The following INPP4A variants were observed in gnomAD, a reference collection of about 807,000 sequenced individuals.
INPP4A encodes the protein inositol polyphosphate-4-phosphatase, type I, 107kD.
A neutral mutation model predicts 119.8 loss-of-function variants in INPP4A; 33 were observed. The observed-to-expected ratio is 0.28, with a 90% CI of 0.21 to 0.37. The LOEUF (loss-of-function observed/expected upper bound fraction) is 0.37, where lower values mean the gene tolerates loss of function less well. INPP4A is among the 10% of genes least tolerant of loss of function. INPP4A has a pLI of 1.00. For missense variants in INPP4A, 956 were observed against 1,289.9 expected (o/e 0.74, Z 3.97); for synonymous variants, 496 against 500.7 (o/e 0.99, Z 0.12).
intron 4 of INPP4A, among the ~76,000 whole-genome samples, chr2:98,526,653 G>A (rs922121404): frequency 6.6e-6 from 1 of 152,198 alleles, no homozygotes; most frequent in African/African-American, 2.4e-5. Context: ...GAAAAATGGT[G>A]TATTAGTCTG....
chr2:98,557,764 G>A (rs1694752734), intron 16 of INPP4A, among the ~76,000 whole-genome samples: 1 of 152,218 alleles, frequency 6.6e-6, no homozygotes, highest in South Asian at 2.1e-4. Context: ...GGCCTTGTGG[G>A]GGACCCACTG....
At position 98,591,237 on chromosome 2, in the gene INPP4A, C is replaced by A. The variant is rs996128239; in HGVS notation, c.*3629C>A. On this transcript the variant is annotated 3_prime_UTR_variant, in exon 25 of 25. Transcript: ENST00000409851. ...TGGGCATGGTGGTGTGGCTGCGTGC[C>A]CACGACGAGGGGCTGGACTAAAGTG... is the stretch of plus-strand genomic sequence containing the variant. 1 of 172,844 alleles carries A rather than the reference C, an allele frequency of 5.8e-6. No homozygotes were observed. Among genetic ancestry groups the A allele is most frequent in the Non-Finnish European group, 1.2e-5 (1 of 80,112 alleles). The allele number at this position is 172,844 out of a possible 1,614,324, so 10.7% of individuals were successfully genotyped here.
At chr2:98,539,717 T>C (rs774689248) in intron 10 of INPP4A, 42 bp downstream of exon 10, 69 of 1,569,280 alleles carry the variant, frequency 4.4e-5, no homozygotes, top group Non-Finnish European at 5.3e-5. Flanking sequence ...CATACCCATG[T>C]CATGTGCCCC....
chr2:98,579,758 C>T (rs1699006231), intron 24 of INPP4A, among the ~76,000 whole-genome samples: 1 of 152,252 alleles, frequency 6.6e-6, no homozygotes, highest in Non-Finnish European at 1.5e-5. Flanking sequence ...CCTTTCTAAA[C>T]CCCACCCCTG....
intron 1 of INPP4A, among the ~76,000 whole-genome samples, chr2:98,510,346 A>G (rs1399716560): frequency 6.6e-6 from 1 of 152,160 alleles, no homozygotes; most frequent in Non-Finnish European, 1.5e-5. Context: ...GGAAGGCTGG[A>G]ACGGTCTGGG....
intron 1 of INPP4A, among the ~76,000 whole-genome samples, chr2:98,453,800 C>A (rs905016031): frequency 1.3e-5 from 2 of 152,156 alleles, no homozygotes; most frequent in Non-Finnish European, 2.9e-5. Context: ...TGGTAGTAAG[C>A]CATCTGAGCC....
intron 1 of INPP4A, among the ~76,000 whole-genome samples, chr2:98,482,990 A>C (rs149401255): frequency 9.2e-5 from 14 of 152,312 alleles, no homozygotes; most frequent in African/African-American, 3.1e-4. Flanking sequence ...ATATAATGCA[A>C]ATATTTCAAA....
intron 1 of INPP4A, among the ~76,000 whole-genome samples, chr2:98,447,628 C>T (rs890535591): frequency 6.6e-6 from 1 of 152,002 alleles, no homozygotes; most frequent in African/African-American, 2.4e-5. Context: ...TCAGATTCTC[C>T]AAATGTGGAC....
At chr2:98,484,775 A>T (rs908176175) in intron 1 of INPP4A, among the ~76,000 whole-genome samples, 2 of 152,032 alleles carry the variant, frequency 1.3e-5, no homozygotes, top group Non-Finnish European at 2.9e-5. Flanking sequence ...GATCTTACTT[A>T]GAATCTGACT....
rs184582905 is a variant in INPP4A at position 98,563,577 on chromosome 2, G to A, written c.1968G>A (p.Ala656=). 77 of 1,613,584 alleles carry A rather than the reference G, an allele frequency of 4.8e-5. No homozygotes were observed. The African/African-American group carries it at 5.2e-4, about 11-fold the overall frequency. Residue 656 remains alanine (A), a synonymous_variant, in exon 18 of 25, where the codon GCG becomes GCA. Coordinates refer to ENST00000409851, the MANE Select transcript of INPP4A (RefSeq NM_001134225.2). ...AMVFLLMQDS[A]PTIATYLSLQ... The stretch of plus-strand genomic sequence containing the variant: ...TATTCCTGCTCATGCAGGACAGCGC[G>A]CCCACCATAGCCACCTACCTGAGCC...
At chr2:98,562,187 C>T (rs1463800851) in intron 17 of INPP4A, among the ~76,000 whole-genome samples, 3 of 152,222 alleles carry the variant, frequency 2.0e-5, no homozygotes, top group Non-Finnish European at 2.9e-5. Flanking sequence ...CTGCTTTTTC[C>T]ATTACAGATA....
rs1393601199 is a variant in INPP4A, at chr2:98,588,307, A to C, written c.*699A>C. On this transcript the variant is annotated 3_prime_UTR_variant, in exon 25 of 25. Transcript: ENST00000409851. ...AGAACAGGGAGTCTGCTGGAGACAC[A>C]AAGCCAGCAGTAAGGTCCCTTTAGC... 4 of 202,666 alleles carry C rather than the reference A, an allele frequency of 2.0e-5. No individual in the cohort carries two copies. Among genetic ancestry groups the C allele is most frequent in the African/African-American group, 9.2e-5 (4 of 43,654 alleles). 12.6% of individuals were successfully genotyped at this position (202,666 alleles called of 1,614,324 possible). A position where few individuals can be genotyped will look rare whatever the true frequency, so the allele number is the denominator to read the frequency against.
At chr2:98,550,604 T>A (rs1211795354) in intron 13 of INPP4A, among the ~76,000 whole-genome samples, 1 of 152,210 alleles carries the variant, frequency 6.6e-6, no homozygotes, top group Non-Finnish European at 1.5e-5. Flanking sequence ...CCCCTAGGCT[T>A]CATGTCTACA....
chr2:98,546,452 G>A lies in INPP4A; in HGVS notation c.1055-134G>A. On this transcript the variant is annotated intron_variant, in intron 12 of 24. Coordinates refer to ENST00000409851, the MANE Select transcript of INPP4A (RefSeq NM_001134225.2). The surrounding 1 kb of genome is among the most constrained non-coding windows in gnomAD (Gnocchi z 4.2). ...CAGACCCTTGGGCAGCCAGGGCTGT[G>A]GGATCAGGGGAACCAAAGGCTGTAC... 1 of 634,490 alleles carries A rather than the reference G, an allele frequency of 1.6e-6. No homozygotes were observed. The highest frequency in any genetic ancestry group is 2.1e-5 in the South Asian group (1 of 47,992). The allele number at this position is 634,490 out of a possible 1,614,324, so 39.3% of individuals were successfully genotyped here. A position where few individuals can be genotyped will look rare whatever the true frequency, so the allele number is the denominator to read the frequency against.
chr2:98,508,563 C>T (rs1049114640), intron 1 of INPP4A, among the ~76,000 whole-genome samples: 2 of 152,212 alleles, frequency 1.3e-5, no homozygotes, highest in African/African-American at 4.8e-5. Flanking sequence ...CAGCATGTCT[C>T]CTTTGATGAG....
At chr2:98,484,736 G>GT (rs1679199157) in intron 1 of INPP4A, among the ~76,000 whole-genome samples, 1 of 152,110 alleles carries the variant, frequency 6.6e-6, no homozygotes, top group South Asian at 2.1e-4. Flanking sequence ...CCCACTCCGC[G>GT]TGAGTGCTTC....
At chr2:98,482,834 G>C (rs1439275933) in intron 1 of INPP4A, among the ~76,000 whole-genome samples, 1 of 152,184 alleles carries the variant, frequency 6.6e-6, no homozygotes, top group African/African-American at 2.4e-5. Context: ...CATAATAGAG[G>C]TTGAACATCC....
chr2:98,555,752 C>G lies in INPP4A; in HGVS notation c.1766C>G (p.Ser589Cys). The G allele has an allele frequency of 1.3e-6, 2 of 1,590,884 alleles. No homozygotes were observed. Among genetic ancestry groups the G allele is most frequent in the Non-Finnish European group, 1.7e-6 (2 of 1,168,114 alleles). The change falls in exon 16 of 25, where the codon TCC becomes TGC. Residue 589 changes from serine (S) to cysteine (C), a missense_variant. Coordinates refer to ENST00000409851, the MANE Select transcript of INPP4A (RefSeq NM_001134225.2). ...RPEDPFCDVP[S>C]SPCPSTMPST... is the part of the protein sequence containing the mutation. ...GAAGACCCCTTCTGTGATGTCCCCT[C>G]CTCACCATGCCCCTCCACCATGCCC...
chr2:98,461,242 A>G (rs567141560), intron 1 of INPP4A, among the ~76,000 whole-genome samples: 3 of 152,316 alleles, frequency 2.0e-5, no homozygotes, highest in African/African-American at 4.8e-5. Context: ...TATAGACTTC[A>G]CTATGCCACA....
Sources: gnomAD v4.1 joint callset for allele counts (sites outside exome capture counted in the v4.1 genomes callset) on GRCh38, gnomAD v4.1.1 for gene constraint, Gnocchi (gnomAD v3.1) non-coding constraint, MANE v1.5 for transcripts, NCBI Gene and HGNC (gene_info 2026-07-23, HGNC 2026-07-21) for gene names.